Variants in NBAS observed in about 807,000 individuals in gnomAD.
The protein encoded by NBAS is NBAS subunit of NRZ tethering complex.
Under a neutral mutation model 302.5 loss-of-function variants are expected in NBAS, and 219 were observed. That is an observed-to-expected ratio of 0.72 (90% CI 0.65 to 0.81). The LOEUF (loss-of-function observed/expected upper bound fraction) is 0.81. Among genes scored for constraint, NBAS ranks in the 30% least tolerant of loss-of-function variants. The pLI, the probability that NBAS is intolerant of heterozygous loss-of-function variation, is 0.00. For missense variants in NBAS, 2,932 were observed against 2,841.6 expected (o/e 1.03, Z -0.72); for synonymous variants, 1,118 against 1,021.6 (o/e 1.09, Z -1.80).
the NBAS span, among the ~76,000 whole-genome samples, chr2:14,920,517 G>T: frequency 6.6e-6 from 1 of 152,130 alleles, no homozygotes; most frequent in Admixed American, 6.5e-5. Flanking sequence ...CTTCTCTCTG[G>T]CTAGGAAAGT....
chr2:15,472,484 T>A (rs1414367389), intron 16 of NBAS, among the ~76,000 whole-genome samples: 2 of 152,194 alleles, frequency 1.3e-5, no homozygotes, highest in Non-Finnish European at 2.9e-5. Flanking sequence ...CCATGATTCC[T>A]TAATTATCTA....
chr2:15,249,488 T>G (rs1668262902), intron 44 of NBAS, among the ~76,000 whole-genome samples: 1 of 152,026 alleles, frequency 6.6e-6, no homozygotes, highest in East Asian at 1.9e-4. Flanking sequence ...GAGAAAGAAA[T>G]AAAGTGTATT....
chr2:15,008,771 C>T, the NBAS span, among the ~76,000 whole-genome samples: 1 of 152,172 alleles, frequency 6.6e-6, no homozygotes, highest in African/African-American at 2.4e-5. Context: ...AAAGCACACA[C>T]AGCCAGATTG....
At chr2:15,314,195 A>G (rs1671403875) in intron 38 of NBAS, among the ~76,000 whole-genome samples, 1 of 152,092 alleles carries the variant, frequency 6.6e-6, no homozygotes, top group Non-Finnish European at 1.5e-5. Context: ...CTCTACTAAA[A>G]ATACAAAAAA....
intron 25 of NBAS, among the ~76,000 whole-genome samples, chr2:15,414,413 G>A (rs752763551): frequency 5.3e-5 from 8 of 152,164 alleles, no homozygotes; most frequent in African/African-American, 1.4e-4. Flanking sequence ...CAAAGTCAGC[G>A]CCTTCTGTGG....
At chr2:14,849,346 T>G in the NBAS span, among the ~76,000 whole-genome samples, 1 of 151,002 alleles carries the variant, frequency 6.6e-6, no homozygotes, top group African/African-American at 2.4e-5. Flanking sequence ...GAAGATGAAA[T>G]GAATGAAATG....
chr2:15,543,343 C>T (rs1663943145), intron 6 of NBAS, among the ~76,000 whole-genome samples: 1 of 152,148 alleles, frequency 6.6e-6, no homozygotes, highest in Admixed American at 6.5e-5. Flanking sequence ...AATAGCACTT[C>T]CTTAGAAGGC....
chr2:15,541,237 C>G (rs73202769), intron 6 of NBAS, among the ~76,000 whole-genome samples: 2,576 of 152,226 alleles, frequency 0.017, 64 homozygotes, highest in African/African-American at 0.058. Flanking sequence ...TCTGAGCTCA[C>G]TGAAATCAGA....
intron 8 of NBAS, among the ~76,000 whole-genome samples, chr2:15,535,436 G>A (rs1480437477): frequency 6.6e-6 from 1 of 151,744 alleles, no homozygotes; most frequent in Non-Finnish European, 1.5e-5. Context: ...GCAGGAGAAT[G>A]GCATGAACCC....
chr2:15,555,553 T>A (rs930049627), intron 3 of NBAS, among the ~76,000 whole-genome samples: 3 of 152,126 alleles, frequency 2.0e-5, no homozygotes, highest in East Asian at 3.9e-4. Context: ...AGAACTTTTT[T>A]AAAAAAAGAA....
chr2:15,501,544 T>C (rs1490094894), intron 11 of NBAS, among the ~76,000 whole-genome samples: 1 of 151,808 alleles, frequency 6.6e-6, no homozygotes, highest in Non-Finnish European at 1.5e-5. Flanking sequence ...AATCTCAGTG[T>C]TGTTAGAGTT....
chr2:14,787,050 T>C, the NBAS span, among the ~76,000 whole-genome samples: 77 of 152,350 alleles, frequency 5.1e-4, 1 homozygote, highest in African/African-American at 1.7e-3. Flanking sequence ...CTCTTCTTGT[T>C]GAATTGATCC....
At chr2:15,263,726 T>C (rs1026794724) in intron 44 of NBAS, among the ~76,000 whole-genome samples, 3 of 152,210 alleles carry the variant, frequency 2.0e-5, no homozygotes, top group Non-Finnish European at 2.9e-5. Flanking sequence ...CCTTTTATAC[T>C]ACGGGGCCTT....
chr2:15,238,559 T>G lies in NBAS; in HGVS notation c.5852A>C (p.Tyr1951Ser). 6.2e-7 allele frequency: 1 copy of G among 1,614,194 alleles called. No homozygotes were observed. Among genetic ancestry groups the G allele is most frequent in the Non-Finnish European group, 8.5e-7 (1 of 1,180,030 alleles). Residue 1951 changes from tyrosine (Y) to serine (S), a missense_variant, in exon 45 of 52, where the codon TAT becomes TCT. By Grantham distance (144) the Tyr-to-Ser change is moderately radical (BLOSUM62 -2). Coordinates refer to ENST00000281513, the MANE Select transcript of NBAS (RefSeq NM_015909.4). ...AQEAKDSKVTYADTLNHLEKS... is the reference protein window; with the variant it reads ...AQEAKDSKVTSADTLNHLEKS... The stretch of plus-strand genomic sequence containing the variant: ...CTCCAGATGATTCAAAGTATCTGCA[T>G]AGGTAACTTTAGAATCCTTAGCTTC...
At position 15,348,343 on chromosome 2, in the gene NBAS, G is replaced by A. The variant is rs185811751; in HGVS notation, c.4179+3649C>T. Among the ~76,000 whole-genome samples, 473 of 152,168 alleles carry A rather than the reference G, an allele frequency of 3.1e-3. 1 individual carries two copies. The highest frequency in any genetic ancestry group is 7.8e-3 in the Admixed American group (119 of 15,268). On this transcript the variant is annotated intron_variant, in intron 35 of 51. Coordinates refer to ENST00000281513, the MANE Select transcript of NBAS (RefSeq NM_015909.4). ...AAGAACTCCTTTTCCTTGCTAAGTGGAACTTGTAGAGGACTACCAGTGGTC... is the reference window on the plus strand; with the variant it reads ...AAGAACTCCTTTTCCTTGCTAAGTGAAACTTGTAGAGGACTACCAGTGGTC...
chr2:14,956,258 C>T, the NBAS span, among the ~76,000 whole-genome samples: 170 of 152,322 alleles, frequency 1.1e-3, 7 homozygotes, highest in East Asian at 0.027. Flanking sequence ...ACCAACATTG[C>T]GGCCAAAGCC....
chr2:15,543,807 G>GT (rs1396444184), intron 6 of NBAS, among the ~76,000 whole-genome samples: 1 of 152,230 alleles, frequency 6.6e-6, no homozygotes, highest in East Asian at 1.9e-4. Context: ...TGAGATTTGG[G>GT]TGGGGACACA....
the NBAS span, among the ~76,000 whole-genome samples, chr2:14,974,182 T>A: frequency 6.6e-6 from 1 of 152,224 alleles, no homozygotes; most frequent in East Asian, 1.9e-4. Flanking sequence ...CGCATTAAGC[T>A]CCTTGAGGGA....
chr2:14,883,017 G>A, the NBAS span, among the ~76,000 whole-genome samples: 1 of 152,118 alleles, frequency 6.6e-6, no homozygotes, highest in Non-Finnish European at 1.5e-5. Context: ...ATTTCTTAAG[G>A]GGTGATTGAA....
Sources: allele counts gnomAD v4.1 joint callset (sites outside exome capture counted in the v4.1 genomes callset), GRCh38; gene constraint gnomAD v4.1.1; transcripts MANE v1.5; gene names NCBI Gene and HGNC (gene_info 2026-07-23, HGNC 2026-07-21).